Variants in RBMS1 observed in about 807,000 individuals in gnomAD.
RBMS1 encodes RNA-binding motif, single-stranded-interacting protein 1.
In RBMS1, 17 loss-of-function variants were observed where a neutral mutation model predicts 62.3. The observed-to-expected ratio is 0.27, with a 90% confidence interval of 0.19 to 0.41. The LOEUF is 0.41. Among genes scored for constraint, RBMS1 ranks in the 10% least tolerant of loss-of-function variants. The pLI, the probability that RBMS1 is intolerant of heterozygous loss-of-function variation, is 1.00. For missense variants in RBMS1, 334 were observed against 504.5 expected (o/e 0.66, Z 3.24); for synonymous variants, 172 against 170.0 (o/e 1.01, Z -0.09).
intron 4 of RBMS1, among the ~76,000 whole-genome samples, chr2:160,308,461 G>A (rs946123001): frequency 6.6e-6 from 1 of 152,076 alleles, no homozygotes; most frequent in Non-Finnish European, 1.5e-5. Flanking sequence ...TGTTTCAGGT[G>A]CTCCTTTATC....
chr2:160,432,336 C>T (rs898149509), intron 1 of RBMS1: 2 of 152,022 alleles, frequency 1.3e-5, no homozygotes, highest in Non-Finnish European at 2.9e-5. Context: ...AATCTGAAAG[C>T]GCCTCTAAGA....
At chr2:160,378,963 T>A (rs546185973) in intron 1 of RBMS1, among the ~76,000 whole-genome samples, 7 of 152,366 alleles carry the variant, frequency 4.6e-5, no homozygotes, top group African/African-American at 1.7e-4. Flanking sequence ...CTCATGCCTA[T>A]AATCCCAGCA....
intron 2 of RBMS1, among the ~76,000 whole-genome samples, chr2:160,362,786 T>A (rs1026980548): frequency 7.9e-5 from 12 of 151,974 alleles, no homozygotes; most frequent in Non-Finnish European, 1.5e-5. Flanking sequence ...TATTTTTTTT[T>A]AAAAGCAGTA....
At chr2:160,485,538 A>G (rs1201034344) in intron 1 of RBMS1, among the ~76,000 whole-genome samples, 1 of 152,222 alleles carries the variant, frequency 6.6e-6, no homozygotes, top group Non-Finnish European at 1.5e-5. Context: ...CATTAAGGAT[A>G]ACTATTTATT....
intron 1 of RBMS1, among the ~76,000 whole-genome samples, chr2:160,448,683 GTGCCGAGAT>G (rs931367565): frequency 2.6e-5 from 4 of 152,218 alleles, no homozygotes; most frequent in African/African-American, 9.6e-5. Flanking sequence ...GCCTCCCAAA[GTGCCGAGAT>G]TGCAGCCTCT....
intron 1 of RBMS1, among the ~76,000 whole-genome samples, chr2:160,478,486 A>T (rs552705262): frequency 6.6e-6 from 1 of 152,232 alleles, no homozygotes; most frequent in African/African-American, 2.4e-5. Flanking sequence ...CCTAATATCT[A>T]ATTAATCTTT....
intron 1 of RBMS1, among the ~76,000 whole-genome samples, chr2:160,434,611 T>G (rs545831254): frequency 6.6e-6 from 1 of 152,346 alleles, no homozygotes; most frequent in Non-Finnish European, 1.5e-5. Flanking sequence ...TCTAGCCACA[T>G]GCAGCTAATG....
chr2:160,408,610 T>G (rs899712300), intron 1 of RBMS1: 4 of 152,204 alleles, frequency 2.6e-5, no homozygotes, highest in Non-Finnish European at 4.4e-5. Flanking sequence ...TAATCCTTCC[T>G]TATGTTAATT....
chr2:160,308,140 G>A (rs1418917112), intron 4 of RBMS1, among the ~76,000 whole-genome samples: 5 of 152,104 alleles, frequency 3.3e-5, no homozygotes, highest in African/African-American at 1.2e-4. Context: ...ACTGGGTGTG[G>A]TGGCTCATGC....
chr2:160,350,775 C>CA (rs1692448028), intron 2 of RBMS1, among the ~76,000 whole-genome samples: 2 of 152,106 alleles, frequency 1.3e-5, no homozygotes, highest in Non-Finnish European at 2.9e-5. Flanking sequence ...TGGGTTGGTT[C>CA]CAAGTCTTTG....
At chr2:160,486,541 A>T (rs1366643981) in intron 1 of RBMS1, among the ~76,000 whole-genome samples, 2 of 152,168 alleles carry the variant, frequency 1.3e-5, no homozygotes, top group African/African-American at 4.8e-5. Context: ...CAGCAGCCCA[A>T]CTGCATAGCG....
chr2:160,426,293 AG>A (rs1682604651), intron 1 of RBMS1, among the ~76,000 whole-genome samples: 2 of 60,424 alleles, frequency 3.3e-5, no homozygotes, highest in African/African-American at 1.4e-4. Flanking sequence ...AAGAAAGAAA[AG>A]AAAGAAGGAA....
At chr2:160,306,338 A>G (rs1689522532) in intron 4 of RBMS1, among the ~76,000 whole-genome samples, 1 of 152,192 alleles carries the variant, frequency 6.6e-6, no homozygotes. Context: ...TCTTGATTCA[A>G]CTTGAAAGTT....
intron 10 of RBMS1, chr2:160,279,457 T>C (rs941283543): frequency 1.3e-5 from 2 of 152,226 alleles, no homozygotes; most frequent in African/African-American, 4.8e-5. Flanking sequence ...TGTGTGTTTC[T>C]GTACAGGTTC....
intron 1 of RBMS1, among the ~76,000 whole-genome samples, chr2:160,461,509 C>T (rs989684697): frequency 3.9e-5 from 6 of 152,054 alleles, no homozygotes; most frequent in Admixed American, 2.0e-4. Context: ...GTAAAGTCAG[C>T]GCAACAGTCA....
intron 7 of RBMS1, 32 bp from the exon 8 acceptor site, chr2:160,285,076 A>C (rs370222868): frequency 1.1e-5 from 17 of 1,590,136 alleles, no homozygotes; most frequent in African/African-American, 4.0e-5. Context: ...ATAAACATTC[A>C]TCTAGAAAGG....
At chr2:160,352,962 T>C (rs78693871) in intron 2 of RBMS1, among the ~76,000 whole-genome samples, 2,651 of 152,244 alleles carry the variant, frequency 0.017, 33 homozygotes, top group South Asian at 0.029. Flanking sequence ...TTATTTCCAG[T>C]TTCTATTAAG....
chr2:160,450,552 A>T lies in RBMS1; in HGVS notation c.75+42737T>A, dbSNP rs980343688. Among the ~76,000 whole-genome samples the T allele has an allele frequency of 2.1e-3, 206 of 100,038 alleles. 2 individuals are homozygous for T. The highest frequency in any genetic ancestry group is 7.1e-3 in the African/African-American group (183 of 25,746). 65.6% of individuals were successfully genotyped at this position (100,038 alleles called of 152,430 possible). On this transcript the variant is annotated intron_variant, in intron 1 of 13. Transcript: ENST00000348849. ...TGAAATTCCATCTCAAAAAAAATAA[A>T]AAATAAAAAATGAAAAAAAAAAAAA...
At chr2:160,319,338 C>A (rs1001332574) in intron 2 of RBMS1, among the ~76,000 whole-genome samples, 1 of 152,112 alleles carries the variant, frequency 6.6e-6, no homozygotes, top group African/African-American at 2.4e-5. Context: ...ATGGCAAAAC[C>A]CTGTCTCTAC....
Sources: allele counts gnomAD v4.1 joint callset (sites outside exome capture counted in the v4.1 genomes callset), GRCh38; gene constraint gnomAD v4.1.1; transcripts MANE v1.5; gene names NCBI Gene and HGNC (gene_info 2026-07-23, HGNC 2026-07-21).